Variants in DPAGT1 observed in about 807,000 individuals in gnomAD.
The protein encoded by DPAGT1 is dolichyl-phosphate N-acetylglucosaminephosphotransferase 1.
DPAGT1 carries 25 observed loss-of-function variants against 39.3 expected under a neutral mutation model. The ratio of observed to expected loss-of-function variants is 0.64; its 90% CI spans 0.46 to 0.89. DPAGT1 has a LOEUF of 0.89. DPAGT1 is among the 40% of genes least tolerant of loss of function. The pLI, the probability that DPAGT1 is intolerant of heterozygous loss-of-function variation, is 0.00. For missense variants in DPAGT1, 381 were observed against 500.6 expected (o/e 0.76, Z 2.28); for synonymous variants, 193 against 201.4 (o/e 0.96, Z 0.36).
chr11:119,100,451 G>A (rs368867603), intron 3 of DPAGT1, 43 bp from the exon 4 acceptor site: 90 of 1,613,800 alleles, frequency 5.6e-5, no homozygotes, highest in Non-Finnish European at 7.0e-5. Context: ...GCCACCTAGG[G>A]GAGGAGGATT....
In DPAGT1 at chr11:119,097,708, A is replaced by C; in HGVS notation, c.917+147T>G. ...ACCACTGTAGCAGATTATGCAAATA[A>C]ATGTGCTTTGTAAGTTATAAAGGGC... On this transcript the variant is annotated intron_variant, in intron 6 of 8. Transcript: ENST00000354202. The surrounding 1 kb of genome is among the most constrained non-coding windows in gnomAD (Gnocchi z 4.6). The C allele has an allele frequency of 7.0e-7, 1 of 1,438,154 alleles. No individual in the cohort carries two copies. Among genetic ancestry groups the C allele is most frequent in the Non-Finnish European group, 9.8e-7 (1 of 1,025,620 alleles). The allele number at this position is 1,438,154 out of a possible 1,614,324, so 89.1% of individuals were successfully genotyped here.
downstream of DPAGT1, chr11:119,095,434 C>G (rs906205438): frequency 2.1e-6 from 3 of 1,461,596 alleles, no homozygotes; most frequent in African/African-American, 4.3e-5. Flanking sequence ...GGCTCAAACA[C>G]TAGAACAGAC....
rs759835378 is a variant in DPAGT1 at position 119,096,971 on chromosome 11, T to G, written c.*27A>C. 1.9e-6 allele frequency: 3 copies of G among 1,613,232 alleles called. No individual in the cohort carries two copies. The South Asian group carries it at 3.3e-5, about 18-fold the overall frequency. On this transcript the variant is annotated 3_prime_UTR_variant, in exon 9 of 9. Coordinates refer to ENST00000354202, the MANE Select transcript of DPAGT1 (RefSeq NM_001382.4). ...CCTGAGTCAGGAATCCTAGAGACTGTGAGGTAAAGGACAATGATCAAGGGA... is the reference window on the plus strand; with the variant it reads ...CCTGAGTCAGGAATCCTAGAGACTGGGAGGTAAAGGACAATGATCAAGGGA...
chr11:119,100,444 AC>A (rs34186993), intron 3 of DPAGT1, 36 bp from the exon 4 acceptor site: 2 of 1,614,068 alleles, frequency 1.2e-6, no homozygotes, highest in Non-Finnish European at 1.7e-6. Flanking sequence ...AAGTAGTGCC[AC>A]CTAGGGGAGG....
In DPAGT1 at chr11:119,098,341, T is replaced by C. The variant is rs1946436456; in HGVS notation, c.728+62A>G. 2.6e-6 allele frequency: 4 copies of C among 1,556,020 alleles called. No homozygotes were observed. The South Asian group carries it at 4.5e-5, about 17-fold the overall frequency. On this transcript the variant is annotated intron_variant, in intron 5 of 8. Coordinates refer to ENST00000354202, the MANE Select transcript of DPAGT1 (RefSeq NM_001382.4). ...AGCTTCACCACCACAAGGTGGGTTATGATAAGGGCCATCTTTGCCATGTGT... is the reference window on the plus strand; with the variant it reads ...AGCTTCACCACCACAAGGTGGGTTACGATAAGGGCCATCTTTGCCATGTGT...
chr11:119,097,070 G>A lies in DPAGT1; in HGVS notation c.1162-7C>T. 6.2e-7 allele frequency: 1 copy of A among 1,614,204 alleles called. No homozygotes were observed. The highest frequency in any genetic ancestry group is 8.5e-7 in the Non-Finnish European group (1 of 1,180,040). ...TGATGGCACTGCCCAGGATCTGCAAGGAGAAATGGACTGGAGTAAGAATCA... is the reference window on the plus strand; with the variant it reads ...TGATGGCACTGCCCAGGATCTGCAAAGAGAAATGGACTGGAGTAAGAATCA... On this transcript the variant is annotated splice_region_variant and splice_polypyrimidine_tract_variant and intron_variant, in intron 8 of 8. Coordinates refer to ENST00000354202, the MANE Select transcript of DPAGT1 (RefSeq NM_001382.4). The surrounding 1 kb of genome is among the most constrained non-coding windows in gnomAD (Gnocchi z 4.6).
chr11:119,095,456 T>C (rs1163988245), downstream of DPAGT1: 8 of 1,454,414 alleles, frequency 5.5e-6, no homozygotes, highest in South Asian at 7.1e-5. Context: ...CCCGCCGCAG[T>C]GTAACTGCTG....
At position 119,100,257 on chromosome 11, in the gene DPAGT1, C is replaced by T. The variant is rs1946474114; in HGVS notation, c.643+5G>A. On this transcript the variant is annotated splice_donor_5th_base_variant and intron_variant, in intron 4 of 8. Transcript: ENST00000354202. Reference sequence around the variant, plus strand: ...TTCTCTCTCCCCACCCCCAATCCCACCTACCTTCCAACTCTACCAGGTTGA... The same window carrying T: ...TTCTCTCTCCCCACCCCCAATCCCATCTACCTTCCAACTCTACCAGGTTGA... The T allele has an allele frequency of 1.2e-6, 2 of 1,614,182 alleles. No homozygotes were observed. Among genetic ancestry groups the T allele is most frequent in the East Asian group, 4.5e-5 (2 of 44,886 alleles).
chr11:119,100,195 A>T, intron 4 of DPAGT1, 67 bp downstream of exon 4: 1 of 1,611,206 alleles, frequency 6.2e-7, no homozygotes, highest in Non-Finnish European at 8.5e-7. Context: ...TGAATTTCCC[A>T]AAGTCATATA....
Position 119,097,626 on chromosome 11 carries a change from T to C in DPAGT1, c.918-75A>G, listed in dbSNP as rs547224768. Reference sequence around the variant, plus strand: ...CTCCCTGTGGCTAATAGGAAGAGCATTGAATGTGGAGTCAACCTGAGATCT... The same window carrying C: ...CTCCCTGTGGCTAATAGGAAGAGCACTGAATGTGGAGTCAACCTGAGATCT... On this transcript the variant is annotated intron_variant, in intron 6 of 8. Coordinates refer to ENST00000354202, the MANE Select transcript of DPAGT1 (RefSeq NM_001382.4). This position sits in a 1 kb window ranked among gnomAD's most constrained non-coding sequence, Gnocchi z 4.6. 80 of 1,552,354 alleles carry C rather than the reference T, an allele frequency of 5.2e-5. No homozygotes were observed. Among genetic ancestry groups the C allele is most frequent in the Non-Finnish European group, 6.8e-5 (77 of 1,124,484 alleles).
At chr11:119,098,524 C>A (rs199532909) in intron 4 of DPAGT1, 37 bp from the exon 5 acceptor site, 9 of 1,599,814 alleles carry the variant, frequency 5.6e-6, no homozygotes, top group Non-Finnish European at 7.7e-6. Context: ...AAAGTTAATA[C>A]CCACTTCCTC....
intron 5 of DPAGT1, 55 bp downstream of exon 5, chr11:119,098,348 G>A: frequency 6.4e-7 from 1 of 1,570,434 alleles, no homozygotes; most frequent in Non-Finnish European, 8.8e-7. Context: ...TTATGATAAG[G>A]GCCATCTTTG....
intron 1 of DPAGT1, 147 bp downstream of exon 1, chr11:119,101,348 G>C (rs1409092774): frequency 6.6e-7 from 1 of 1,509,138 alleles, no homozygotes; most frequent in Non-Finnish European, 9.1e-7. Flanking sequence ...ATGCGAGTAA[G>C]TTCTGCTCAT....
intron 4 of DPAGT1, 23 bp from the exon 5 acceptor site, chr11:119,098,510 A>G: frequency 6.2e-7 from 1 of 1,612,464 alleles, no homozygotes; most frequent in South Asian, 1.1e-5. Context: ...GGAAGAAAGA[A>G]GGAAAAGTTA....
rs750454975 is a variant in DPAGT1, at chr11:119,101,663, G to A, written c.-8C>T. The stretch of plus-strand genomic sequence containing the variant: ...TTCCGAGAAGGCCCACATGGTGACC[G>A]GTCAGGGGCCCGGCTCCGCCGCCTC... On this transcript the variant is annotated 5_prime_UTR_variant, in exon 1 of 9. Coordinates refer to ENST00000354202, the MANE Select transcript of DPAGT1 (RefSeq NM_001382.4). 4 of 1,614,236 alleles carry A rather than the reference G, an allele frequency of 2.5e-6. No individual in the cohort carries two copies. Among genetic ancestry groups the A allele is most frequent in the Non-Finnish European group, 3.4e-6 (4 of 1,180,042 alleles).
downstream of DPAGT1, chr11:119,095,229 G>A (rs372876045): frequency 2.1e-4 from 344 of 1,613,802 alleles, 1 homozygote; most frequent in Non-Finnish European, 2.6e-5. Context: ...AGGTACTCCA[G>A]CACTGCCGCC....
downstream of DPAGT1, chr11:119,094,942 C>T (rs765259350): frequency 6.3e-7 from 1 of 1,581,928 alleles, no homozygotes; most frequent in Non-Finnish European, 8.6e-7. Flanking sequence ...GGCCTGGCGG[C>T]CGGCCGCGGC....
chr11:119,097,463 C>T lies in DPAGT1; in HGVS notation c.1005+1G>A. 1.2e-6 allele frequency: 2 copies of T among 1,614,198 alleles called. No homozygotes were observed. The highest frequency in any genetic ancestry group is 1.7e-6 in the Non-Finnish European group (2 of 1,180,028). The stretch of plus-strand genomic sequence containing the variant: ...GCCTTACCTCCTTGTTACCCTGTTA[C>T]CTTTAAAATAAAGGTGCCCAAGAAA... On this transcript the variant is annotated splice_donor_variant, in intron 7 of 8. Transcript: ENST00000354202. LOFTEE classifies it high-confidence loss of function. This position sits in a 1 kb window ranked among gnomAD's most constrained non-coding sequence, Gnocchi z 4.6.
chr11:119,095,449 G>T (rs530602734), downstream of DPAGT1: 8 of 1,460,714 alleles, frequency 5.5e-6, no homozygotes, highest in Admixed American at 2.7e-5. Context: ...ACAGACGCCC[G>T]CCGCAGTGTA....
Sources: allele counts gnomAD v4.1 joint callset, GRCh38; gene constraint gnomAD v4.1.1; non-coding constraint Gnocchi (gnomAD v3.1); transcripts MANE v1.5; gene names NCBI Gene and HGNC (gene_info 2026-07-23, HGNC 2026-07-21).